DNAJC18: variants seen among roughly 807,000 people sequenced by gnomAD.
DNAJC18 encodes DnaJ heat shock protein family (Hsp40) member C18.
DNAJC18 carries 40 observed loss-of-function variants against 48.6 expected under a neutral mutation model. That is an observed-to-expected ratio of 0.82 (90% CI 0.64 to 1.07). The LOEUF is 1.07. Ranked by LOEUF, DNAJC18 falls within the 50% of genes least tolerant of loss-of-function variation. The pLI is 0.00. For missense variants in DNAJC18, 340 were observed against 427.7 expected (o/e 0.79, Z 1.81); for synonymous variants, 135 against 152.2 (o/e 0.89, Z 0.83).
chr5:139,422,905 G>C, intron 5 of DNAJC18, 88 bp from the exon 6 acceptor site: 2 of 794,972 alleles, frequency 2.5e-6, no homozygotes, highest in Non-Finnish European at 3.8e-6. Context: ...GTGCGATCTC[G>C]GCTCACTGCA....
intron 7 of DNAJC18, 125 bp from the exon 8 acceptor site, chr5:139,414,397 C>T: frequency 7.5e-7 from 1 of 1,329,848 alleles, no homozygotes; most frequent in Non-Finnish European, 1.0e-6. Flanking sequence ...ATATAAGAAA[C>T]ATTTAGTCAT....
intron 7 of DNAJC18, among the ~76,000 whole-genome samples, chr5:139,415,201 A>G (rs778713826): frequency 1.4e-4 from 21 of 152,120 alleles, no homozygotes; most frequent in Non-Finnish European, 2.5e-4. Context: ...TCTATTCTTA[A>G]TCATCTTGCT....
chr5:139,419,294 G>C, intron 7 of DNAJC18: 1 of 371,916 alleles, frequency 2.7e-6, no homozygotes, highest in South Asian at 2.1e-5. Flanking sequence ...GCTGAGACGG[G>C]GCTACCCCTG....
intron 5 of DNAJC18, among the ~76,000 whole-genome samples, chr5:139,423,597 C>A (rs534012236): frequency 3.6e-4 from 55 of 152,056 alleles, no homozygotes; most frequent in African/African-American, 1.3e-3. Context: ...CCATGTTGCC[C>A]AGGCTAATCT....
At chr5:139,432,068 T>C (rs1759338129) in intron 2 of DNAJC18, among the ~76,000 whole-genome samples, 1 of 152,226 alleles carries the variant, frequency 6.6e-6, no homozygotes, top group Non-Finnish European at 1.5e-5. Context: ...CTTCTTATTG[T>C]TGAGTTTTAA....
chr5:139,412,484 C>T lies in DNAJC18; in HGVS notation c.*1664G>A, dbSNP rs945478775. 3 of 363,518 alleles carry T rather than the reference C, an allele frequency of 8.3e-6. No homozygotes were observed. The highest frequency in any genetic ancestry group is 1.5e-5 in the Non-Finnish European group (3 of 204,708). 22.5% of individuals were successfully genotyped at this position (363,518 alleles called of 1,614,324 possible). A position where few individuals can be genotyped will look rare whatever the true frequency, so the allele number is the denominator to read the frequency against. The stretch of plus-strand genomic sequence containing the variant: ...CTGTGTTGGCCAGGCTGGTCTTGAA[C>T]TCCTGACCTCAGGTGATCCACCTGC... On this transcript the variant is annotated 3_prime_UTR_variant, in exon 8 of 8. Coordinates refer to ENST00000302060, the MANE Select transcript of DNAJC18 (RefSeq NM_152686.4).
chr5:139,426,220 T>A lies in DNAJC18; in HGVS notation c.511A>T (p.Thr171Ser), dbSNP rs139112742. The change falls in exon 4 of 8, where the codon ACT (threonine) becomes TCT (serine). Residue 171 changes from threonine to serine, a missense_variant. Thr to Ser is a moderately conservative substitution (Grantham distance 58). Transcript: ENST00000302060. ...AAGACGTTGAACAGCTCTTCTGGAG[T>A]GATGTCAGCTTCAAAATCCCTGTAA... ...NYYRDFEADI[T>S]PEELFNVFFG... 1.7e-4 allele frequency: 271 copies of A among 1,614,084 alleles called. No homozygotes were observed. In the East Asian group the frequency reaches 6.0e-3, roughly 36 times the overall value.
intron 7 of DNAJC18, 39 bp downstream of exon 7, chr5:139,420,014 C>A (rs751870129): frequency 1.9e-5 from 28 of 1,504,622 alleles, no homozygotes; most frequent in Admixed American, 1.7e-4. Context: ...CTGCTGGGAA[C>A]CACAGCCACC....
Position 139,426,223 on chromosome 5 carries a change from T to C in DNAJC18, c.508A>G (p.Ile170Val). The C allele has an allele frequency of 6.2e-7, 1 of 1,614,240 alleles. No homozygotes were observed. Among genetic ancestry groups the C allele is most frequent in the Non-Finnish European group, 8.5e-7 (1 of 1,180,052 alleles). ...ACGTTGAACAGCTCTTCTGGAGTGA[T>C]GTCAGCTTCAAAATCCCTGTAATAA... is the stretch of plus-strand genomic sequence containing the variant. The part of the protein sequence containing the change: ...YNYYRDFEAD[I>V]TPEELFNVFF... The change falls in exon 4 of 8, where the codon ATC (isoleucine) becomes GTC (valine). Residue 170 changes from isoleucine (I) to valine (V), a missense_variant. Ile to Val is a conservative substitution (Grantham distance 29). Transcript: ENST00000302060.
intron 2 of DNAJC18, among the ~76,000 whole-genome samples, chr5:139,432,452 C>T (rs1232563350): frequency 5.3e-5 from 8 of 152,114 alleles, no homozygotes; most frequent in African/African-American, 1.4e-4. Context: ...CGTGAGCCAC[C>T]GCGCCTGGCC....
intron 6 of DNAJC18, among the ~76,000 whole-genome samples, chr5:139,421,502 C>G (rs1249495231): frequency 6.6e-6 from 1 of 151,748 alleles, no homozygotes; most frequent in African/African-American, 2.4e-5. Context: ...CTCAGCTTCG[C>G]TCTCTGTAAA....
At chr5:139,423,192 T>C (rs562252408) in intron 5 of DNAJC18, among the ~76,000 whole-genome samples, 1 of 152,014 alleles carries the variant, frequency 6.6e-6, no homozygotes, top group African/African-American at 2.4e-5. Context: ...CCAAAGAAAA[T>C]AACAAATTAT....
At position 139,435,705 on chromosome 5, in the gene DNAJC18, G is replaced by GTTTTT. The variant is rs377125785; in HGVS notation, c.227+1662_227+1666dup. ...GGGCCTGGACTTTTCTTCATTGGAAGTTTTTTTTTTTTTTTTTTTTTTTTT... is the reference window on the plus strand; with the variant it reads ...GGGCCTGGACTTTTCTTCATTGGAAGTTTTTTTTTTTTTTTTTTTTTTTTTTTTTT... On this transcript the variant is annotated intron_variant, in intron 2 of 7. Coordinates refer to ENST00000302060, the MANE Select transcript of DNAJC18 (RefSeq NM_152686.4). 1.5e-3 allele frequency among the ~76,000 whole-genome samples: 61 copies of GTTTTT among 41,188 alleles called. 17 individuals carry two copies. Among genetic ancestry groups the GTTTTT allele is most frequent in the East Asian group, 5.4e-3 (4 of 742 alleles). 27.0% of individuals were successfully genotyped at this position (41,188 alleles called of 152,430 possible).
intron 4 of DNAJC18, 133 bp from the exon 5 acceptor site, chr5:139,425,247 T>C: frequency 3.5e-6 from 2 of 579,454 alleles, no homozygotes; most frequent in South Asian, 2.0e-5. Context: ...CACTGCAACC[T>C]CTGCTTCCTG....
chr5:139,434,740 A>G (rs1446430567), intron 2 of DNAJC18, among the ~76,000 whole-genome samples: 1 of 127,066 alleles, frequency 7.9e-6, no homozygotes, highest in Admixed American at 8.3e-5. Flanking sequence ...TATTAGTTCT[A>G]ACAGTATTTG....
chr5:139,417,902 G>C (rs1759093928), intron 7 of DNAJC18, among the ~76,000 whole-genome samples: 1 of 151,942 alleles, frequency 6.6e-6, no homozygotes, highest in East Asian at 1.9e-4. Flanking sequence ...TATACCTGGA[G>C]AGTGCCGAAG....
intron 7 of DNAJC18, chr5:139,418,653 T>G (rs139113792): frequency 3.2e-4 from 138 of 432,426 alleles, no homozygotes; most frequent in African/African-American, 2.6e-3. Flanking sequence ...GAGAGAACAT[T>G]AGGACTTTGC....
intron 5 of DNAJC18, among the ~76,000 whole-genome samples, chr5:139,424,245 T>C (rs1759199235): frequency 1.3e-5 from 2 of 151,990 alleles, no homozygotes; most frequent in South Asian, 4.1e-4. Context: ...CTGGAGACAA[T>C]CTGGGCCCAA....
intron 6 of DNAJC18, among the ~76,000 whole-genome samples, chr5:139,421,626 T>C (rs1280101970): frequency 6.6e-6 from 1 of 151,980 alleles, no homozygotes; most frequent in Non-Finnish European, 1.5e-5. Context: ...GCCAACATAG[T>C]GAAACCCTGT....
Sources: allele counts gnomAD v4.1 joint callset (sites outside exome capture counted in the v4.1 genomes callset), GRCh38; gene constraint gnomAD v4.1.1; transcripts MANE v1.5; gene names NCBI Gene and HGNC (gene_info 2026-07-23, HGNC 2026-07-21).